The following WDPCP variants were observed in gnomAD, a reference collection of about 807,000 sequenced individuals.
The protein encoded by WDPCP is WD repeat-containing and planar cell polarity effector protein fritz homolog.
In WDPCP, 71 loss-of-function variants were observed where a neutral mutation model predicts 93.1. The ratio of observed to expected loss-of-function variants is 0.76; its 90% CI spans 0.63 to 0.93. The LOEUF is 0.93. Ranked by LOEUF, WDPCP falls within the 40% of genes least tolerant of loss-of-function variation. The pLI, the probability that WDPCP is intolerant of heterozygous loss-of-function variation, is 0.00. For missense variants in WDPCP, 844 were observed against 887.4 expected, an observed-to-expected ratio of 0.95 and a Z score of 0.62; for synonymous variants, 315 against 315.0, an observed-to-expected ratio of 1.00 and a Z score of 0.00.
chr2:63,723,848 C>T (rs534944919), intron 2 of WDPCP, among the ~76,000 whole-genome samples: 1 of 152,208 alleles, frequency 6.6e-6, no homozygotes, highest in East Asian at 1.9e-4. Context: ...TTTCCCATAA[C>T]TTCGACATCC....
rs138137728 is a variant in WDPCP at position 63,302,059 on chromosome 2, C to T, written c.1812+11189G>A. Among the ~76,000 whole-genome samples the T allele has an allele frequency of 1.6e-3, 244 of 152,348 alleles. 1 individual carries two copies. Among genetic ancestry groups the T allele is most frequent in the African/African-American group, 5.5e-3 (227 of 41,576 alleles). On this transcript the variant is annotated intron_variant, in intron 13 of 17. Transcript: ENST00000272321. ...GAAGCAACTTCGAAGGGAACCACCT[C>T]ATGATCCCCCTCATTTGGGGCCCCT... is the stretch of plus-strand genomic sequence containing the variant.
chr2:63,360,953 A>C (rs1482524743), intron 12 of WDPCP, among the ~76,000 whole-genome samples: 3 of 152,240 alleles, frequency 2.0e-5, no homozygotes, highest in Non-Finnish European at 2.9e-5. Context: ...ATATGTTCTA[A>C]TGATAAATGT....
intron 14 of WDPCP, among the ~76,000 whole-genome samples, chr2:63,255,515 T>C (rs138260848): frequency 7.6e-4 from 115 of 152,218 alleles, no homozygotes; most frequent in African/African-American, 2.7e-3. Context: ...TTAGTTCACA[T>C]GAGAGCTAGT....
At chr2:63,831,401 G>C (rs565308415), upstream of WDPCP, among the ~76,000 whole-genome samples, 1 of 151,970 alleles carries the variant, frequency 6.6e-6, no homozygotes, top group Non-Finnish European at 1.5e-5. Context: ...TCAGAGCCTC[G>C]GTTCTTGCCT....
chr2:63,215,272 G>C (rs1677218255), intron 14 of WDPCP, among the ~76,000 whole-genome samples: 1 of 152,232 alleles, frequency 6.6e-6, no homozygotes, highest in African/African-American at 2.4e-5. Context: ...CAATGGATCA[G>C]AACAGAGCCC....
chr2:63,434,529 T>A (rs1376716215), intron 8 of WDPCP, among the ~76,000 whole-genome samples: 1 of 152,176 alleles, frequency 6.6e-6, no homozygotes, highest in Non-Finnish European at 1.5e-5. Flanking sequence ...ATTCAAACTA[T>A]GTTATTTTGG....
chr2:63,181,854 A>G (rs555527752), intron 14 of WDPCP, among the ~76,000 whole-genome samples: 6 of 151,890 alleles, frequency 4.0e-5, no homozygotes, highest in African/African-American at 9.7e-5. Context: ...TATGATTTCT[A>G]TCATCAGTGT....
intron 2 of WDPCP, among the ~76,000 whole-genome samples, chr2:63,763,010 G>A (rs566135059): frequency 9.2e-5 from 14 of 152,272 alleles, no homozygotes; most frequent in African/African-American, 3.1e-4. Context: ...ATACAACAGT[G>A]ACCATGACAA....
At chr2:63,225,832 C>G (rs151035843) in intron 14 of WDPCP, among the ~76,000 whole-genome samples, 1,666 of 151,940 alleles carry the variant, frequency 0.011, 9 homozygotes, top group Non-Finnish European at 0.018. Context: ...ATGTGTAATT[C>G]TCTTCCAAAA....
At chr2:63,260,587 G>T (rs562080619) in intron 13 of WDPCP, among the ~76,000 whole-genome samples, 3 of 152,192 alleles carry the variant, frequency 2.0e-5, no homozygotes, top group South Asian at 2.1e-4. Context: ...GTCTCACTCT[G>T]TTGCCAGGCT....
intron 15 of WDPCP, among the ~76,000 whole-genome samples, chr2:63,173,531 C>T (rs770941812): frequency 1.3e-5 from 2 of 152,170 alleles, no homozygotes; most frequent in East Asian, 1.9e-4. Flanking sequence ...CCAGTCCTAC[C>T]ATGGTAGAAT....
At chr2:63,179,621 A>G (rs529005565) in intron 14 of WDPCP, among the ~76,000 whole-genome samples, 12 of 152,038 alleles carry the variant, frequency 7.9e-5, no homozygotes, top group Middle Eastern at 6.8e-3. Flanking sequence ...CTATCAATAA[A>G]ACTTCTTTTC....
At chr2:63,572,343 G>T (rs776752459) in intron 1 of WDPCP, among the ~76,000 whole-genome samples, 1 of 152,120 alleles carries the variant, frequency 6.6e-6, no homozygotes, top group Non-Finnish European at 1.5e-5. Context: ...ATCATGTGTA[G>T]TATTTGCCCC....
At chr2:63,266,608 C>A (rs1050223361) in intron 13 of WDPCP, among the ~76,000 whole-genome samples, 3 of 152,104 alleles carry the variant, frequency 2.0e-5, no homozygotes, top group Non-Finnish European at 4.4e-5. Context: ...GAGTTCAAGG[C>A]CAACCTGGCC....
intron 1 of WDPCP, among the ~76,000 whole-genome samples, chr2:63,507,975 T>C (rs781757122): frequency 5.3e-5 from 8 of 152,050 alleles, no homozygotes; most frequent in Non-Finnish European, 1.2e-4. Context: ...TACCTGAAAG[T>C]GATGGGGAGA....
chr2:63,647,191 G>A (rs751177405), intron 3 of WDPCP, among the ~76,000 whole-genome samples: 14 of 152,112 alleles, frequency 9.2e-5, no homozygotes, highest in Non-Finnish European at 1.9e-4. Flanking sequence ...AGGCTGGAGT[G>A]CAATGGTGCA....
chr2:63,572,784 G>T (rs1707629286), intron 1 of WDPCP, among the ~76,000 whole-genome samples: 1 of 145,578 alleles, frequency 6.9e-6, no homozygotes, highest in African/African-American at 2.6e-5. Flanking sequence ...TGCAATATGA[G>T]AAATTTGTAA....
chr2:63,449,056 CTAGCTTGAT>C (rs1698054830), intron 6 of WDPCP, among the ~76,000 whole-genome samples: 1 of 152,116 alleles, frequency 6.6e-6, no homozygotes, highest in Admixed American at 6.5e-5. Flanking sequence ...GATATGTTAA[CTAGCTTGAT>C]TTAATCATTC....
chr2:63,337,263 A>G (rs1688450625), intron 12 of WDPCP, among the ~76,000 whole-genome samples: 1 of 152,082 alleles, frequency 6.6e-6, no homozygotes, highest in Admixed American at 6.6e-5. Flanking sequence ...TGCTTGGCTT[A>G]TTTCACTTAA....
Sources: gnomAD v4.1 joint callset for allele counts (sites outside exome capture counted in the v4.1 genomes callset) on GRCh38, gnomAD v4.1.1 for gene constraint, MANE v1.5 for transcripts, NCBI Gene and HGNC (gene_info 2026-07-23, HGNC 2026-07-21) for gene names.